The following SLIT2 variants were observed in gnomAD, a reference collection of about 807,000 sequenced individuals.
The protein encoded by SLIT2 is slit guidance ligand 2.
SLIT2 carries 41 observed loss-of-function variants against 185.7 expected under a neutral mutation model. That is an observed-to-expected ratio of 0.22 (90% confidence interval 0.17 to 0.29). The LOEUF (loss-of-function observed/expected upper bound fraction) is 0.29, where lower values mean the gene tolerates loss of function less well. Ranked by LOEUF, SLIT2 falls within the 10% of genes least tolerant of loss-of-function variation. The pLI, the probability that SLIT2 is intolerant of heterozygous loss-of-function variation, is 1.00. For synonymous variants in SLIT2, 693 were observed against 680.2 expected, an observed-to-expected ratio of 1.02 and a Z score of -0.29; for missense variants, 1,571 against 1,909.0, an observed-to-expected ratio of 0.82 and a Z score of 3.30.
At chr4:20,301,005 C>T (rs1443035742) in intron 4 of SLIT2, among the ~76,000 whole-genome samples, 1 of 151,894 alleles carries the variant, frequency 6.6e-6, no homozygotes, top group Non-Finnish European at 1.5e-5. Context: ...CAGATTTTGC[C>T]TTATGCTAAA....
chr4:20,370,671 C>A (rs201562038), intron 4 of SLIT2, among the ~76,000 whole-genome samples: 2 of 151,478 alleles, frequency 1.3e-5, no homozygotes, highest in Non-Finnish European at 2.9e-5. Context: ...TTCCCAAATT[C>A]TTGACCTTGG....
chr4:20,592,210 A>G (rs1169345621), intron 30 of SLIT2, among the ~76,000 whole-genome samples: 2 of 152,196 alleles, frequency 1.3e-5, no homozygotes, highest in South Asian at 2.1e-4. Context: ...TCTTATTACT[A>G]AGCTAACAGA....
intron 4 of SLIT2, among the ~76,000 whole-genome samples, chr4:20,357,518 A>C (rs1406731354): frequency 6.6e-6 from 1 of 152,134 alleles, no homozygotes; most frequent in African/African-American, 2.4e-5. Flanking sequence ...ATCACTGTGC[A>C]TGAGTTAAAT....
intron 33 of SLIT2, among the ~76,000 whole-genome samples, chr4:20,606,490 A>C (rs1728806544): frequency 6.6e-6 from 1 of 151,878 alleles, no homozygotes; most frequent in African/African-American, 2.4e-5. Flanking sequence ...TCAAAAAAAA[A>C]AAAGGAATCT....
chr4:20,253,799 G>A lies in SLIT2; in HGVS notation c.-17G>A. The A allele has an allele frequency of 6.3e-7, 1 of 1,596,852 alleles. No individual in the cohort carries two copies. Among genetic ancestry groups the A allele is most frequent in the Admixed American group, 1.7e-5 (1 of 59,942 alleles). On this transcript the variant is annotated 5_prime_UTR_variant, in exon 1 of 37. Coordinates refer to ENST00000504154, the MANE Select transcript of SLIT2 (RefSeq NM_004787.4). ...GAAAGCCCCCAGTGCCGGCGAGGAA[G>A]GAGGCGGCGGGGAAAGATGCGCGGC...
intron 4 of SLIT2, among the ~76,000 whole-genome samples, chr4:20,326,004 TTAAG>T (rs1423557252): frequency 1.3e-4 from 20 of 152,144 alleles, no homozygotes; most frequent in Non-Finnish European, 7.4e-5. Context: ...CTTTTCTTAG[TTAAG>T]TGTTTCTAGT....
intron 4 of SLIT2, among the ~76,000 whole-genome samples, chr4:20,335,575 A>C (rs1720424842): frequency 6.6e-6 from 1 of 152,162 alleles, no homozygotes; most frequent in African/African-American, 2.4e-5. Flanking sequence ...AAGTTGGAGC[A>C]CAAGATGGAA....
At chr4:20,572,756 A>G (rs554018968) in intron 29 of SLIT2, among the ~76,000 whole-genome samples, 10 of 152,348 alleles carry the variant, frequency 6.6e-5, no homozygotes, top group African/African-American at 2.4e-4. Context: ...ACCACATACA[A>G]GTATGACACA....
intron 4 of SLIT2, among the ~76,000 whole-genome samples, chr4:20,369,577 G>A (rs1723406357): frequency 6.6e-6 from 1 of 151,998 alleles, no homozygotes; most frequent in South Asian, 2.1e-4. Flanking sequence ...CTGAGTCCTT[G>A]GATTGTCCAC....
intron 4 of SLIT2, among the ~76,000 whole-genome samples, chr4:20,373,759 A>G (rs1489609040): frequency 1.3e-5 from 2 of 152,088 alleles, no homozygotes; most frequent in Non-Finnish European, 1.5e-5. Context: ...CTTAGAATCT[A>G]CTGGTAGAAA....
chr4:20,515,692 T>G (rs546707893), intron 11 of SLIT2, among the ~76,000 whole-genome samples: 6 of 150,122 alleles, frequency 4.0e-5, no homozygotes, highest in African/African-American at 1.3e-4. Flanking sequence ...AAAAAATTTA[T>G]AAGTATAATT....
intron 5 of SLIT2, among the ~76,000 whole-genome samples, chr4:20,473,555 A>G (rs1360210885): frequency 6.6e-6 from 1 of 152,032 alleles, no homozygotes; most frequent in Admixed American, 6.6e-5. Flanking sequence ...TTACAGAGCT[A>G]TTTACATTAG....
At chr4:20,255,684 G>A (rs1296261490) in intron 1 of SLIT2, among the ~76,000 whole-genome samples, 1 of 152,126 alleles carries the variant, frequency 6.6e-6, no homozygotes, top group African/African-American at 2.4e-5. Context: ...GTGGGGGTGA[G>A]GGGGGAGCGT....
chr4:20,367,865 G>A (rs1723233408), intron 4 of SLIT2, among the ~76,000 whole-genome samples: 1 of 152,104 alleles, frequency 6.6e-6, no homozygotes, highest in Admixed American at 6.6e-5. Context: ...CCTGAGGTGG[G>A]ATCCATTCAG....
chr4:20,466,917 T>C (rs976948792), intron 4 of SLIT2, among the ~76,000 whole-genome samples: 1 of 152,238 alleles, frequency 6.6e-6, no homozygotes, highest in African/African-American at 2.4e-5. Flanking sequence ...TTTTCTGCTT[T>C]CATTGATATT....
At chr4:20,495,383 C>A (rs902453051) in intron 9 of SLIT2, among the ~76,000 whole-genome samples, 1 of 151,914 alleles carries the variant, frequency 6.6e-6, no homozygotes, top group South Asian at 2.1e-4. Flanking sequence ...GACACAGGAG[C>A]GAATTGGTCA....
chr4:20,324,931 C>T lies in SLIT2; in HGVS notation c.395+56050C>T, dbSNP rs115988476. ...GCAATTATTTTTGCATCACCTAATACGTTAATTATATTTTGCTTTTTGGTC... is the reference window on the plus strand; with the variant it reads ...GCAATTATTTTTGCATCACCTAATATGTTAATTATATTTTGCTTTTTGGTC... On this transcript the variant is annotated intron_variant, in intron 4 of 36. Coordinates refer to ENST00000504154, the MANE Select transcript of SLIT2 (RefSeq NM_004787.4). Among the ~76,000 whole-genome samples the T allele has an allele frequency of 7.4e-3, 1,131 of 152,172 alleles. 15 individuals carry two copies. Among genetic ancestry groups the T allele is most frequent in the Non-Finnish European group, 0.012 (799 of 67,990 alleles).
chr4:20,486,339 A>G (rs1717234031), intron 7 of SLIT2, 68 bp downstream of exon 7: 1 of 926,198 alleles, frequency 1.1e-6, no homozygotes, highest in Non-Finnish European at 1.8e-6. Context: ...TAGCATGTTC[A>G]GTAAGCAAAG....
intron 4 of SLIT2, among the ~76,000 whole-genome samples, chr4:20,381,145 C>G (rs541258173): frequency 3.4e-4 from 51 of 151,858 alleles, no homozygotes; most frequent in African/African-American, 1.2e-3. Flanking sequence ...CGTAGCTACT[C>G]GAGAGGCTGA....
Sources: gnomAD v4.1 joint callset for allele counts (sites outside exome capture counted in the v4.1 genomes callset) on GRCh38, gnomAD v4.1.1 for gene constraint, MANE v1.5 for transcripts, NCBI Gene and HGNC (gene_info 2026-07-23, HGNC 2026-07-21) for gene names.